Variants in FAM9C observed in about 807,000 individuals in gnomAD.
FAM9C encodes protein FAM9C.
A neutral mutation model predicts 14.8 loss-of-function variants in FAM9C; 15 were observed. The ratio of observed to expected loss-of-function variants is 1.02; its 90% CI spans 0.68 to 1.56. The LOEUF is 1.56. Among genes scored for constraint, FAM9C ranks in the 40% most tolerant of loss-of-function variants. The pLI is 0.00. For synonymous variants in FAM9C, 45 were observed against 37.5 expected, an observed-to-expected ratio of 1.20 and a Z score of -0.74; for missense variants, 116 against 118.0, an observed-to-expected ratio of 0.98 and a Z score of 0.08.
At chrX:13,043,661 C>T in intron 2 of FAM9C, 68 bp downstream of exon 2, 13 of 1,174,840 alleles carry the variant, frequency 1.1e-5, no homozygotes, top group South Asian at 1.8e-5. Context: ...CCCATGTGCG[C>T]CCCGCCCAGA....
In FAM9C at chrX:13,043,130, C is replaced by A. The variant is rs774806450; in HGVS notation, c.180G>T (p.Thr60=). Reference sequence around the variant, plus strand: ...CAAAAGGGACTTAAACACTTTACCCCGTGTGTTCATCTGTTTCAGCAAAAG... The same window carrying A: ...CAAAAGGGACTTAAACACTTTACCCAGTGTGTTCATCTGTTTCAGCAAAAG... ...RGSFAETDEH[T]GVDTKELEDI... Residue 60 remains threonine, a splice_region_variant and synonymous_variant, in exon 3 of 8, where the codon ACG becomes ACT. Coordinates refer to ENST00000380625, the MANE Select transcript of FAM9C (RefSeq NM_174901.6). 8.3e-7 allele frequency: 1 copy of A among 1,206,300 alleles called. No individual in the cohort carries two copies. Among genetic ancestry groups the A allele is most frequent in the Non-Finnish European group, 1.1e-6 (1 of 893,750 alleles).
At chrX:13,039,763 A>C in intron 6 of FAM9C, 45 bp downstream of exon 6, 7 of 1,167,385 alleles carry the variant, frequency 6.0e-6, no homozygotes, top group Non-Finnish European at 8.0e-6. Context: ...ACTACCTGAG[A>C]CATTGATACA....
chrX:13,042,692 G>A, intron 4 of FAM9C: 1 of 442,374 alleles, frequency 2.3e-6, no homozygotes. Context: ...GTGTATGAAA[G>A]AAAAGCCACC....
intron 1 of FAM9C, among the ~76,000 whole-genome samples, chrX:13,044,321 A>ACCCCCCCCCCCCCCCCCCCCCCCCC (rs748879259): frequency 1.3e-5 from 1 of 76,856 alleles, no homozygotes; most frequent in Non-Finnish European, 2.5e-5. Context: ...TGACCCCCCG[A>ACCCCCCCCCCCCCCCCCCCCCCCCC]CCCCCCCCCA....
At chrX:13,039,236 T>C (rs1009583631) in intron 6 of FAM9C, among the ~76,000 whole-genome samples, 2 of 111,297 alleles carry the variant, frequency 1.8e-5, no homozygotes, top group Non-Finnish European at 3.8e-5. Flanking sequence ...CAAACTGGAA[T>C]TGGATCCCAA....
chrX:13,036,312 A>G (rs1007494831), intron 7 of FAM9C: 2 of 112,427 alleles, frequency 1.8e-5, no homozygotes, highest in African/African-American at 6.5e-5. Flanking sequence ...TCAAAAGGAA[A>G]CAGCTTTTAA....
chrX:13,040,930 A>G, intron 4 of FAM9C, 58 bp from the exon 5 acceptor site: 1 of 694,817 alleles, frequency 1.4e-6, no homozygotes, highest in Non-Finnish European at 2.1e-6. Context: ...TTCTTTGCAT[A>G]TATTAAAATC....
chrX:13,039,698 C>A (rs1217646269), intron 6 of FAM9C, 110 bp downstream of exon 6: 1 of 1,087,494 alleles, frequency 9.2e-7, no homozygotes, highest in Non-Finnish European at 1.2e-6. Context: ...TAATGGGCGA[C>A]CCTCTCTGGG....
chrX:13,038,431 G>T lies in FAM9C; in HGVS notation c.*10C>A, dbSNP rs148153694. 7.2e-5 allele frequency: 86 copies of T among 1,196,778 alleles called. No individual in the cohort carries two copies. The highest frequency in any genetic ancestry group is 9.6e-5 in the Non-Finnish European group (85 of 889,503). On this transcript the variant is annotated 3_prime_UTR_variant, in exon 7 of 8. Coordinates refer to ENST00000380625, the MANE Select transcript of FAM9C (RefSeq NM_174901.6). The stretch of plus-strand genomic sequence containing the variant: ...TAGAACAGACCTTTGTGAATTGCTC[G>T]TGTGGTGGCTCAATCTCTTTCAGTT...
intron 3 of FAM9C, 78 bp downstream of exon 3, chrX:13,043,050 A>G: frequency 1.7e-6 from 2 of 1,173,560 alleles, no homozygotes; most frequent in East Asian, 3.0e-5. Flanking sequence ...CATAGAACAT[A>G]ACAGTGATGA....
chrX:13,044,120 C>A (rs969586664), intron 1 of FAM9C, among the ~76,000 whole-genome samples: 28 of 112,086 alleles, frequency 2.5e-4, no homozygotes, highest in African/African-American at 8.7e-4. Context: ...GGTTCCCCAG[C>A]GACCCAGTGG....
At chrX:13,042,872 G>A (rs1464735740) in intron 4 of FAM9C, 46 bp downstream of exon 4, 1 of 1,191,784 alleles carries the variant, frequency 8.4e-7, no homozygotes, top group Non-Finnish European at 1.1e-6. Flanking sequence ...AGGGTTGTAT[G>A]GTTGAAAACA....
At chrX:13,042,561 C>A (rs1360015921) in intron 4 of FAM9C, 4 of 187,917 alleles carry the variant, frequency 2.1e-5, no homozygotes, top group Non-Finnish European at 3.8e-5. Flanking sequence ...TACCCCCAAA[C>A]ATAAAGTAAA....
chrX:13,042,630 G>C (rs1260432735), intron 4 of FAM9C: 1 of 367,004 alleles, frequency 2.7e-6, no homozygotes, highest in Non-Finnish European at 4.8e-6. Flanking sequence ...AACGAATAGA[G>C]CTGTTTCTCC....
chrX:13,044,138 A>G (rs920205873), intron 1 of FAM9C, among the ~76,000 whole-genome samples: 1 of 111,476 alleles, frequency 9.0e-6, no homozygotes, highest in African/African-American at 3.3e-5. Flanking sequence ...TGGAGTCGGG[A>G]GGGCCGCGGG....
chrX:13,040,338 A>G, intron 5 of FAM9C: 2 of 759,947 alleles, frequency 2.6e-6, no homozygotes, highest in Non-Finnish European at 3.1e-6. Context: ...TGGCACGACA[A>G]TGATCTAAAA....
intron 4 of FAM9C, chrX:13,042,646 T>C (rs1294979274): frequency 2.6e-6 from 1 of 383,846 alleles, no homozygotes. Context: ...TCTCCTCCAA[T>C]GTCCTCTAAT....
intron 7 of FAM9C, chrX:13,037,924 T>C (rs144283393): frequency 0.052 from 5,899 of 112,941 alleles, 415 homozygotes; most frequent in African/African-American, 0.18. Context: ...AAAACACTCC[T>C]ACATTACAGC....
chrX:13,040,968 T>C, intron 4 of FAM9C, 96 bp from the exon 5 acceptor site: 1 of 419,909 alleles, frequency 2.4e-6, no homozygotes, highest in Non-Finnish European at 3.9e-6. Flanking sequence ...TTCAGCAATA[T>C]CAGAAGGACA....
Sources: gnomAD v4.1 joint callset for allele counts (sites outside exome capture counted in the v4.1 genomes callset) on GRCh38, gnomAD v4.1.1 for gene constraint, MANE v1.5 for transcripts, NCBI Gene and HGNC (gene_info 2026-07-23, HGNC 2026-07-21) for gene names.